The following GLT1D1 variants were observed in gnomAD, a reference collection of about 807,000 sequenced individuals.
GLT1D1 encodes the protein glycosyltransferase 1 domain-containing protein 1.
GLT1D1 carries 21 observed loss-of-function variants against 28.7 expected under a neutral mutation model. That is an observed-to-expected ratio of 0.73 (90% CI 0.52 to 1.05). The LOEUF is 1.05. GLT1D1 is among the 50% of genes least tolerant of loss of function. GLT1D1 has a pLI of 0.00. For synonymous variants in GLT1D1, 147 were observed against 124.8 expected, an observed-to-expected ratio of 1.18 and a Z score of -1.19; for missense variants, 343 against 330.6, an observed-to-expected ratio of 1.04 and a Z score of -0.29.
chr12:128,982,065 C>G (rs1365526102), intron 7 of GLT1D1, among the ~76,000 whole-genome samples: 1 of 152,118 alleles, frequency 6.6e-6, no homozygotes, highest in African/African-American at 2.4e-5. Context: ...GATATTAAAA[C>G]CAGGTCAGCA....
At chr12:128,905,613 T>A (rs1303105261) in intron 4 of GLT1D1, among the ~76,000 whole-genome samples, 4 of 152,224 alleles carry the variant, frequency 2.6e-5, no homozygotes, top group Non-Finnish European at 5.9e-5. Context: ...TAATTTGAAA[T>A]GCCTTTGTTT....
chr12:128,879,354 A>T (rs1956946529), intron 2 of GLT1D1, among the ~76,000 whole-genome samples: 1 of 137,862 alleles, frequency 7.3e-6, no homozygotes, highest in Non-Finnish European at 1.6e-5. Context: ...ATTTTCTGTA[A>T]AGTGATACTT....
At chr12:128,934,196 G>GTTTTTTTTTTTTTTTTTTTTTTTTTT (rs1410503648) in intron 4 of GLT1D1, among the ~76,000 whole-genome samples, 1 of 128,686 alleles carries the variant, frequency 7.8e-6, no homozygotes, top group Non-Finnish European at 1.6e-5. Flanking sequence ...CAAAGAGACA[G>GTTTTTTTTTTTTTTTTTTTTTTTTTT]TCTTTTTTTT....
chr12:128,973,087 C>A (rs1290314107), intron 7 of GLT1D1, among the ~76,000 whole-genome samples: 1 of 151,920 alleles, frequency 6.6e-6, no homozygotes, highest in Non-Finnish European at 1.5e-5. Flanking sequence ...TAACCAACCT[C>A]CTACTCTGTT....
intron 4 of GLT1D1, among the ~76,000 whole-genome samples, chr12:128,921,231 G>A (rs1437233825): frequency 6.6e-6 from 1 of 151,344 alleles, no homozygotes; most frequent in East Asian, 1.9e-4. Context: ...CAAGTCTATA[G>A]CCCTTTATTC....
chr12:128,901,124 A>T (rs1870208498), intron 4 of GLT1D1, among the ~76,000 whole-genome samples: 1 of 152,208 alleles, frequency 6.6e-6, no homozygotes, highest in Admixed American at 6.5e-5. Flanking sequence ...AGTGATGAGT[A>T]AAATGCAGCT....
rs190956790 is a variant in GLT1D1 at position 128,872,195 on chromosome 12, C to T, written c.69-3719C>T. Among the ~76,000 whole-genome samples the T allele has an allele frequency of 5.3e-3, 813 of 152,058 alleles. 6 individuals are homozygous for T. The highest frequency in any genetic ancestry group is 0.018 in the African/African-American group (758 of 41,472). On this transcript the variant is annotated intron_variant, in intron 1 of 7. Coordinates refer to ENST00000281703, the MANE Select transcript of GLT1D1 (RefSeq NM_144669.3). The stretch of plus-strand genomic sequence containing the variant: ...TCTCGAACTCCTGATCCGCCTACCT[C>T]GGCCTCCCAAAGTGCTGGGATTACA...
intron 4 of GLT1D1, among the ~76,000 whole-genome samples, chr12:128,939,958 A>T (rs898666857): frequency 9.5e-5 from 14 of 147,168 alleles, no homozygotes; most frequent in African/African-American, 2.0e-4. Context: ...CCCCATTTTT[A>T]ATATATATAT....
chr12:128,945,096 G>A, intron 4 of GLT1D1: 1 of 694,958 alleles, frequency 1.4e-6, no homozygotes, highest in Non-Finnish European at 2.6e-6. Context: ...GGTCCCCGCT[G>A]GAAAGGTGCT....
At chr12:128,970,829 A>G (rs190277735) in intron 7 of GLT1D1, among the ~76,000 whole-genome samples, 144 of 152,304 alleles carry the variant, frequency 9.5e-4, no homozygotes, top group African/African-American at 3.3e-3. Flanking sequence ...TTTGCCATCT[A>G]TAAACACCAG....
intron 6 of GLT1D1, among the ~76,000 whole-genome samples, chr12:128,950,993 C>A (rs1191145479): frequency 6.6e-6 from 1 of 152,122 alleles, no homozygotes; most frequent in Non-Finnish European, 1.5e-5. Flanking sequence ...ATAACGATAT[C>A]CTTGAAAATT....
At chr12:128,887,885 A>G (rs1343071156) in intron 2 of GLT1D1, among the ~76,000 whole-genome samples, 1 of 151,924 alleles carries the variant, frequency 6.6e-6, no homozygotes, top group African/African-American at 2.4e-5. Context: ...TTTTTAGGTG[A>G]CCTTTGGGAG....
At chr12:128,960,999 A>T (rs1408416187) in intron 7 of GLT1D1, among the ~76,000 whole-genome samples, 1 of 152,218 alleles carries the variant, frequency 6.6e-6, no homozygotes, top group Non-Finnish European at 1.5e-5. Flanking sequence ...TCAACAGGTT[A>T]GATTGTATGT....
chr12:128,966,656 G>A (rs1381688085), intron 7 of GLT1D1, among the ~76,000 whole-genome samples: 1 of 152,216 alleles, frequency 6.6e-6, no homozygotes, highest in Non-Finnish European at 1.5e-5. Flanking sequence ...AATGTGTGTT[G>A]ACAGGTGAAT....
At chr12:128,921,562 T>C (rs1872658184) in intron 4 of GLT1D1, among the ~76,000 whole-genome samples, 1 of 151,846 alleles carries the variant, frequency 6.6e-6, no homozygotes, top group Admixed American at 6.6e-5. Context: ...AATATGTTTA[T>C]CTTACCGTAT....
At chr12:128,932,751 C>A (rs1874067520) in intron 4 of GLT1D1, among the ~76,000 whole-genome samples, 1 of 152,064 alleles carries the variant, frequency 6.6e-6, no homozygotes, top group African/African-American at 2.4e-5. Flanking sequence ...CCTCGGGGGG[C>A]CTTTAGCAGA....
intron 7 of GLT1D1, among the ~76,000 whole-genome samples, chr12:128,972,039 C>T (rs1041825731): frequency 1.3e-5 from 2 of 151,740 alleles, no homozygotes; most frequent in Non-Finnish European, 2.9e-5. Context: ...GGCTCCCTCT[C>T]CAGGGTCGCT....
At chr12:128,893,513 A>G (rs576643812) in intron 3 of GLT1D1, among the ~76,000 whole-genome samples, 2 of 152,324 alleles carry the variant, frequency 1.3e-5, no homozygotes, top group Non-Finnish European at 2.9e-5. Flanking sequence ...CAAAATGGCA[A>G]TGTTCAACTA....
intron 3 of GLT1D1, among the ~76,000 whole-genome samples, chr12:128,891,876 C>T (rs575455218): frequency 1.3e-5 from 2 of 152,252 alleles, no homozygotes; most frequent in South Asian, 4.1e-4. Context: ...GCACTCATGA[C>T]CCAGCCTCAA....
Sources: allele counts gnomAD v4.1 joint callset (sites outside exome capture counted in the v4.1 genomes callset), GRCh38; gene constraint gnomAD v4.1.1; transcripts MANE v1.5; gene names NCBI Gene and HGNC (gene_info 2026-07-23, HGNC 2026-07-21).